EBF1: variants seen among roughly 807,000 people sequenced by gnomAD.
EBF1 encodes the protein EBF transcription factor 1.
Under a neutral mutation model 68.4 loss-of-function variants are expected in EBF1, and 10 were observed. The ratio of observed to expected loss-of-function variants is 0.15; its 90% CI spans 0.09 to 0.25. The LOEUF is 0.25. Ranked by LOEUF, EBF1 falls within the 10% of genes least tolerant of loss-of-function variation. The probability of loss-of-function intolerance (pLI) is 1.00; values close to 1 mark genes in which losing one functional copy is unlikely to be tolerated. For missense variants in EBF1, 509 were observed against 794.4 expected, an observed-to-expected ratio of 0.64 and a Z score of 4.32; for synonymous variants, 298 against 299.8, an observed-to-expected ratio of 0.99 and a Z score of 0.06.
intron 6 of EBF1, among the ~76,000 whole-genome samples, chr5:159,022,696 C>CT (rs147078868): frequency 5.3e-5 from 8 of 151,854 alleles, no homozygotes; most frequent in East Asian, 1.9e-4. Flanking sequence ...AAAAAGGAGT[C>CT]TTTTTTTTGA....
At chr5:158,907,783 GGT>G (rs1804979608) in intron 6 of EBF1, among the ~76,000 whole-genome samples, 1 of 151,726 alleles carries the variant, frequency 6.6e-6, no homozygotes, top group Admixed American at 6.6e-5. Context: ...AATGCTCAAA[GGT>G]GTAACCAACC....
At chr5:158,925,069 G>T (rs1033754559) in intron 6 of EBF1, among the ~76,000 whole-genome samples, 2 of 152,028 alleles carry the variant, frequency 1.3e-5, no homozygotes, top group Non-Finnish European at 2.9e-5. Context: ...CCCAATCTCA[G>T]GGCCTTTGCA....
At chr5:158,762,246 G>A (rs759408169) in intron 10 of EBF1, among the ~76,000 whole-genome samples, 19 of 152,060 alleles carry the variant, frequency 1.2e-4, no homozygotes, top group African/African-American at 7.2e-5. Flanking sequence ...AGAAAGCAGC[G>A]GGAACAACTT....
chr5:158,800,872 A>G (rs962207550), intron 8 of EBF1, among the ~76,000 whole-genome samples: 3 of 152,156 alleles, frequency 2.0e-5, no homozygotes, highest in African/African-American at 7.2e-5. Context: ...CCAAGCAAAT[A>G]TTATGGAATG....
At chr5:158,750,789 T>A (rs578079723) in intron 10 of EBF1, among the ~76,000 whole-genome samples, 1 of 151,480 alleles carries the variant, frequency 6.6e-6, no homozygotes, top group African/African-American at 2.4e-5. Context: ...TTAGGGCATT[T>A]AAAAAAAAAT....
At chr5:159,057,093 T>A (rs1021525488) in intron 6 of EBF1, among the ~76,000 whole-genome samples, 11 of 147,198 alleles carry the variant, frequency 7.5e-5, no homozygotes, top group Non-Finnish European at 1.5e-4. Context: ...TTCTTTCTTT[T>A]CTTTTCTTTT....
At chr5:158,717,252 G>GCAAT (rs1213192416) in intron 11 of EBF1, among the ~76,000 whole-genome samples, 1 of 152,098 alleles carries the variant, frequency 6.6e-6, no homozygotes, top group Non-Finnish European at 1.5e-5. Context: ...TTTTTTTGCA[G>GCAAT]TTTTATATGG....
intron 6 of EBF1, among the ~76,000 whole-genome samples, chr5:158,931,149 T>C (rs1015252407): frequency 6.6e-6 from 1 of 152,222 alleles, no homozygotes; most frequent in African/African-American, 2.4e-5. Context: ...TATTTCCCAC[T>C]AAGCTGCCCA....
At chr5:158,877,106 C>G (rs995235812) in intron 6 of EBF1, among the ~76,000 whole-genome samples, 6 of 152,144 alleles carry the variant, frequency 3.9e-5, no homozygotes, top group Non-Finnish European at 7.4e-5. Flanking sequence ...ACTCCTTTTC[C>G]TACTGCACCC....
chr5:159,041,939 T>C lies in EBF1; in HGVS notation c.554+31457A>G, dbSNP rs958618018. On this transcript the variant is annotated intron_variant, in intron 6 of 15. Coordinates refer to ENST00000313708, the MANE Select transcript of EBF1 (RefSeq NM_024007.5). ...CTCACTTTTGCTTGCATGGCTGTGG[T>C]GGAGGAAACCACAGAATACTGATCT... Among the ~76,000 whole-genome samples, 10 of 152,114 alleles carry C rather than the reference T, an allele frequency of 6.6e-5. 1 individual carries two copies. The highest frequency in any genetic ancestry group is 5.9e-4 in the Admixed American group (9 of 15,258).
intron 6 of EBF1, among the ~76,000 whole-genome samples, chr5:158,981,157 T>TAA (rs961207462): frequency 7.0e-6 from 1 of 142,610 alleles, no homozygotes; most frequent in African/African-American, 2.6e-5. Context: ...TTCCAAATGT[T>TAA]AAAAAAAAAA....
At chr5:158,911,323 AC>A (rs1417455845) in intron 6 of EBF1, among the ~76,000 whole-genome samples, 1 of 152,150 alleles carries the variant, frequency 6.6e-6, no homozygotes, top group Non-Finnish European at 1.5e-5. Context: ...ACTCAGTATC[AC>A]TAACTACAGC....
chr5:158,933,765 A>G (rs1190202166), intron 6 of EBF1, among the ~76,000 whole-genome samples: 2 of 152,254 alleles, frequency 1.3e-5, no homozygotes, highest in East Asian at 3.8e-4. Context: ...AATAGTAGGC[A>G]TTCAATATAG....
intron 6 of EBF1, among the ~76,000 whole-genome samples, chr5:158,996,406 G>T (rs757448735): frequency 6.6e-6 from 1 of 152,144 alleles, no homozygotes; most frequent in African/African-American, 2.4e-5. Context: ...TAACCATAAA[G>T]ATTGTTGTCT....
chr5:158,793,771 CTG>C (rs1779125640), intron 9 of EBF1, among the ~76,000 whole-genome samples: 1 of 152,174 alleles, frequency 6.6e-6, no homozygotes, highest in Admixed American at 6.5e-5. Flanking sequence ...CTTAGCAAGT[CTG>C]AGCTATTTCT....
chr5:158,913,251 G>T (rs577854764), intron 6 of EBF1, among the ~76,000 whole-genome samples: 2 of 152,202 alleles, frequency 1.3e-5, no homozygotes, highest in South Asian at 4.1e-4. Context: ...CTTTACTATT[G>T]CATGTCAAAG....
chr5:158,786,998 T>C (rs1350800429), intron 9 of EBF1, among the ~76,000 whole-genome samples: 1 of 152,190 alleles, frequency 6.6e-6, no homozygotes, highest in South Asian at 2.1e-4. Flanking sequence ...TTGTCATATC[T>C]AGATATGATA....
chr5:158,699,214 T>TAA (rs377502370), intron 15 of EBF1, 72 bp from the exon 16 acceptor site: 754 of 1,147,748 alleles, frequency 6.6e-4, no homozygotes, highest in South Asian at 1.5e-3. Flanking sequence ...TAATGAAGAC[T>TAA]AAAAAAAAAA....
intron 6 of EBF1, among the ~76,000 whole-genome samples, chr5:158,890,012 A>C (rs1281825196): frequency 1.3e-5 from 2 of 152,342 alleles, no homozygotes; most frequent in East Asian, 1.9e-4. Context: ...CATTTTATAT[A>C]AAGGATTTGA....
Sources: allele counts gnomAD v4.1 joint callset (sites outside exome capture counted in the v4.1 genomes callset), GRCh38; gene constraint gnomAD v4.1.1; transcripts MANE v1.5; gene names NCBI Gene and HGNC (gene_info 2026-07-23, HGNC 2026-07-21).